F12: variants seen among roughly 807,000 people sequenced by gnomAD.
F12 encodes coagulation factor XII.
F12 carries 70 observed loss-of-function variants against 74.8 expected under a neutral mutation model. The observed-to-expected ratio is 0.94, with a 90% CI of 0.77 to 1.14. The LOEUF is 1.14. F12 is among the 50% of genes most tolerant of loss of function. The probability of loss-of-function intolerance (pLI) is 0.00; values close to 1 mark genes in which losing one functional copy is unlikely to be tolerated. For missense variants in F12, 811 were observed against 835.7 expected (o/e 0.97, Z 0.36); for synonymous variants, 373 against 356.4 (o/e 1.05, Z -0.52).
rs1392521374 is a variant in F12 at position 177,402,380 on chromosome 5, C to T, written c.1760G>A (p.Gly587Glu). 6.2e-7 allele frequency: 1 copy of T among 1,613,662 alleles called. No homozygotes were observed. Among genetic ancestry groups the T allele is most frequent in the South Asian group, 1.1e-5 (1 of 91,042 alleles). ...RLTLQGIISW[G>E]SGCGDRNKPG... is the part of the protein sequence containing the mutation. Reference sequence around the variant, plus strand: ...CTTGTTGCGGTCACCACAGCCCGATCCCCAGCTGATGATGCCTTGCAGGGT... The same window carrying T: ...CTTGTTGCGGTCACCACAGCCCGATTCCCAGCTGATGATGCCTTGCAGGGT... Residue 587 changes from glycine (G) to glutamate (E), a missense_variant, in exon 14 of 14, where the codon GGA (glycine) becomes GAA (glutamate). Physicochemically the swap from Gly to Glu is moderately conservative, Grantham distance 98. Coordinates refer to ENST00000253496, the MANE Select transcript of F12 (RefSeq NM_000505.4).
intron 4 of F12, 27 bp downstream of exon 4, chr5:177,405,694 AGGAGAGAGCCCCAG>A (rs941159979): frequency 1.3e-6 from 2 of 1,588,036 alleles, no homozygotes; most frequent in African/African-American, 2.7e-5. Context: ...ATGAGGCGGG[AGGAGAGAGCCCCAG>A]GCCACCCCAG....
intron 4 of F12, 50 bp from the exon 5 acceptor site, chr5:177,405,483 C>T: frequency 6.4e-7 from 1 of 1,567,880 alleles, no homozygotes; most frequent in Middle Eastern, 1.7e-4. Flanking sequence ...AGTCACACAG[C>T]TGGGGGCCAA....
chr5:177,402,339 C>T lies in F12; in HGVS notation c.1801G>A (p.Asp601Asn). ...GDRNKPGVYT[D>N]VAYYLAWIRE... is the part of the protein sequence containing the mutation. ...ATCCAGGCCAGGTAGTAGGCCACAT[C>T]GGTGTAGACGCCTGGCTTGTTGCGG... The change falls in exon 14 of 14, where the codon GAT becomes AAT. Residue 601 changes from aspartate to asparagine, a missense_variant. By Grantham distance (23) the Asp-to-Asn change is conservative. Transcript: ENST00000253496. 1 of 1,613,848 alleles carries T rather than the reference C, an allele frequency of 6.2e-7. No homozygotes were observed. The highest frequency in any genetic ancestry group is 1.3e-5 in the African/African-American group (1 of 75,076).
At position 177,405,789 on chromosome 5, in the gene F12, TG is replaced by T. The variant is rs1763275991; in HGVS notation, c.231del (p.Asn78ThrfsTer17). The T allele has an allele frequency of 6.2e-7, 1 of 1,614,048 alleles. No homozygotes were observed. The highest frequency in any genetic ancestry group is 1.3e-5 in the African/African-American group (1 of 74,926). On this transcript the variant is annotated frameshift_variant, in exon 4 of 14. Transcript: ENST00000253496. LOFTEE classifies it high-confidence loss of function. ...CCCCATCGCTGGTCCTGATCAAAGTTGGGGGTGGTAGCACACCTGTAGAAAG... is the reference window on the plus strand; with the variant it reads ...CCCCATCGCTGGTCCTGATCAAAGTTGGGGTGGTAGCACACCTGTAGAAAG... ...PGPQPWCATT[P>X]NFDQDQRWGY...
chr5:177,407,197 A>C (rs1276993916), intron 2 of F12, among the ~76,000 whole-genome samples: 1 of 152,222 alleles, frequency 6.6e-6, no homozygotes, highest in African/African-American at 2.4e-5. Flanking sequence ...CTGTTGGTTG[A>C]TGAAAATGTT....
At position 177,403,415 on chromosome 5, in the gene F12, G is replaced by C. The variant is rs756305604; in HGVS notation, c.1388-18C>G. The C allele has an allele frequency of 6.3e-7, 1 of 1,585,908 alleles. No individual in the cohort carries two copies. The highest frequency in any genetic ancestry group is 1.1e-5 in the South Asian group (1 of 89,588). The stretch of plus-strand genomic sequence containing the variant: ...CAACAGAGCTAACCCGGGCGGAGAG[G>C]AGCGTGAGGCGGGGACGCCGGGGCC... On this transcript the variant is annotated intron_variant, in intron 11 of 13. Transcript: ENST00000253496.
In F12 at chr5:177,402,700, T is replaced by A; in HGVS notation, c.1532-2A>T. Reference sequence around the variant, plus strand: ...GGAAGCTGGCATATTCCTCCGCCCCTGCGAACACAGAGCGCCTTCTTCACA... The same window carrying A: ...GGAAGCTGGCATATTCCTCCGCCCCAGCGAACACAGAGCGCCTTCTTCACA... On this transcript the variant is annotated splice_acceptor_variant, in intron 12 of 13. Transcript: ENST00000253496. LOFTEE classifies it high-confidence loss of function. 6.2e-7 allele frequency: 1 copy of A among 1,611,410 alleles called. No individual in the cohort carries two copies. Among genetic ancestry groups the A allele is most frequent in the Non-Finnish European group, 8.5e-7 (1 of 1,179,962 alleles).
Position 177,402,634 on chromosome 5 carries a change from G to GC in F12, c.1595dup (p.Cys532TrpfsTer31), listed in dbSNP as rs1233200190. ...AGGATCCGTGCACGTCCGGGGCTGAGCAGCGCTCCAGGGAGAGGAACGGTA... is the reference window on the plus strand; with the variant it reads ...AGGATCCGTGCACGTCCGGGGCTGAGCCAGCGCTCCAGGGAGAGGAACGGTA... On this transcript the variant is annotated frameshift_variant, in exon 13 of 14. Coordinates refer to ENST00000253496, the MANE Select transcript of F12 (RefSeq NM_000505.4). LOFTEE classifies it high-confidence loss of function. 1 of 1,613,012 alleles carries GC rather than the reference G, an allele frequency of 6.2e-7. No homozygotes were observed. The highest frequency in any genetic ancestry group is 8.5e-7 in the Non-Finnish European group (1 of 1,180,018).
chr5:177,404,278 A>T lies in F12; in HGVS notation c.936T>A (p.His312Gln), dbSNP rs1763226162. 1.9e-6 allele frequency: 3 copies of T among 1,598,034 alleles called. No homozygotes were observed. The highest frequency in any genetic ancestry group is 2.6e-6 in the Non-Finnish European group (3 of 1,171,356). Residue 312 changes from histidine (H) to glutamine (Q), a missense_variant, in exon 9 of 14, where the codon CAT becomes CAA. Transcript: ENST00000253496. ...CCGGCTGCGCGGGCATGAGTGGGAC[A>T]TGAAGCCTAGGGGACACCGGGGTCG... ...APPTPVSPRL[H>Q]VPLMPAQPAP...
Position 177,402,329 on chromosome 5 carries a change from T to C in F12, c.1811A>G (p.Tyr604Cys), listed in dbSNP as rs1427875164. The C allele has an allele frequency of 6.2e-7, 1 of 1,613,854 alleles. No homozygotes were observed. The highest frequency in any genetic ancestry group is 2.2e-5 in the East Asian group (1 of 44,880). ...NKPGVYTDVA[Y>C]YLAWIREHTV... Reference sequence around the variant, plus strand: ...GTGCTCCCGGATCCAGGCCAGGTAGTAGGCCACATCGGTGTAGACGCCTGG... The same window carrying C: ...GTGCTCCCGGATCCAGGCCAGGTAGCAGGCCACATCGGTGTAGACGCCTGG... The change falls in exon 14 of 14, where the codon TAC becomes TGC. Residue 604 changes from tyrosine to cysteine, a missense_variant. Tyr to Cys is a radical substitution (Grantham distance 194, BLOSUM62 -2). Transcript: ENST00000253496.
chr5:177,402,978 G>T, intron 12 of F12: 1 of 669,786 alleles, frequency 1.5e-6, no homozygotes, highest in Non-Finnish European at 2.5e-6. Context: ...GGAGCGCGGG[G>T]CCAGCGTCCT....
In F12 at chr5:177,405,245, T is replaced by C. The variant is rs564511690; in HGVS notation, c.398-60A>G. The C allele has an allele frequency of 5.6e-6, 9 of 1,613,454 alleles. No individual in the cohort carries two copies. The African/African-American group carries it at 1.2e-4, about 21-fold the overall frequency. ...TCTAGGACCATGCCAAGTCTCCGAG[T>C]ATCCAGCAACCTATTCTGTAGGCCC... On this transcript the variant is annotated intron_variant, in intron 5 of 13. Transcript: ENST00000253496.
chr5:177,403,444 A>C, intron 11 of F12, 37 bp downstream of exon 11: 1 of 1,563,816 alleles, frequency 6.4e-7, no homozygotes, highest in East Asian at 2.4e-5. Flanking sequence ...CGGGGCCCCA[A>C]GCTCTCTTCC....
chr5:177,409,422 C>T (rs17876010), intron 1 of F12, 49 bp downstream of exon 1: 4 of 1,598,000 alleles, frequency 2.5e-6, no homozygotes, highest in Non-Finnish European at 1.7e-6. Context: ...GCTGTGATAG[C>T]GACCCCCCAG....
rs774982698 is a variant in F12, at chr5:177,403,264, G to C, written c.1521C>G (p.His507Gln). The C allele has an allele frequency of 1.2e-6, 2 of 1,600,470 alleles. No homozygotes were observed. The highest frequency in any genetic ancestry group is 1.7e-6 in the Non-Finnish European group (2 of 1,179,832). Residue 507 changes from histidine (H) to glutamine (Q), a missense_variant, in exon 12 of 14, where the codon CAC (histidine) becomes CAG (glutamine). His to Gln is a conservative substitution (Grantham distance 24). Transcript: ENST00000253496. ...TTLCQVAGWG[H>Q]QFEGAEEYAS... The stretch of plus-strand genomic sequence containing the variant: ...AGCAGTTGTGCCTACCCTCGAACTG[G>C]TGGCCCCAGCCGGCCACCTGGCAGA...
rs750665247 is a variant in F12 at position 177,405,462 on chromosome 5, G to C, written c.287-29C>G. On this transcript the variant is annotated intron_variant, in intron 4 of 13. Transcript: ENST00000253496. Reference sequence around the variant, plus strand: ...AGAGATGGACATGGTGGAAGGAAGAGCAGGGAGCTGAGTCACACAGCTGGG... The same window carrying C: ...AGAGATGGACATGGTGGAAGGAAGACCAGGGAGCTGAGTCACACAGCTGGG... The C allele has an allele frequency of 5.6e-6, 9 of 1,598,492 alleles. No individual in the cohort carries two copies. The East Asian group carries it at 2.0e-4, about 36-fold the overall frequency.
chr5:177,407,548 G>A (rs1312237927), intron 2 of F12, among the ~76,000 whole-genome samples: 2 of 152,318 alleles, frequency 1.3e-5, no homozygotes, highest in Admixed American at 6.5e-5. Context: ...ACTTTGGGAG[G>A]CTAAGGTGGG....
rs1442777543 is a variant in F12, at chr5:177,405,075, A to C, written c.508T>G (p.Cys170Gly). Residue 170 changes from cysteine (C) to glycine (G), a missense_variant, in exon 6 of 14, where the codon TGC (cysteine) becomes GGC (glycine). Transcript: ENST00000253496. ...RCQCKGPDAH[C>G]QRLASQACRT... is the part of the protein sequence containing the mutation. ...TCACCCTGGCTGGCCAGCCGCTGGCAGTGGGCATCAGGACCCTTGCACTGG... is the reference window on the plus strand; with the variant it reads ...TCACCCTGGCTGGCCAGCCGCTGGCCGTGGGCATCAGGACCCTTGCACTGG... 1.2e-6 allele frequency: 2 copies of C among 1,613,100 alleles called. No homozygotes were observed. The highest frequency in any genetic ancestry group is 2.7e-5 in the African/African-American group (2 of 74,914).
At position 177,402,363 on chromosome 5, in the gene F12, G is replaced by C. The variant is rs1318334025; in HGVS notation, c.1777C>G (p.Arg593Gly). 1 of 1,613,592 alleles carries C rather than the reference G, an allele frequency of 6.2e-7. No individual in the cohort carries two copies. The highest frequency in any genetic ancestry group is 8.5e-7 in the Non-Finnish European group (1 of 1,180,004). The change falls in exon 14 of 14, where the codon CGC becomes GGC. Residue 593 changes from arginine (R) to glycine (G), a missense_variant. By Grantham distance (125) the Arg-to-Gly change is moderately radical. Coordinates refer to ENST00000253496, the MANE Select transcript of F12 (RefSeq NM_000505.4). ...TCGGTGTAGACGCCTGGCTTGTTGCGGTCACCACAGCCCGATCCCCAGCTG... is the reference window on the plus strand; with the variant it reads ...TCGGTGTAGACGCCTGGCTTGTTGCCGTCACCACAGCCCGATCCCCAGCTG... Reference protein sequence around the residue: ...IISWGSGCGDRNKPGVYTDVA... With the variant: ...IISWGSGCGDGNKPGVYTDVA...
Sources: allele counts gnomAD v4.1 joint callset (sites outside exome capture counted in the v4.1 genomes callset), GRCh38; gene constraint gnomAD v4.1.1; transcripts MANE v1.5; gene names NCBI Gene and HGNC (gene_info 2026-07-23, HGNC 2026-07-21).